Variants in NAV3 observed in about 807,000 individuals in gnomAD.
NAV3 encodes pore membrane and/or filament interacting like protein 1.
Under a neutral mutation model 244.7 loss-of-function variants are expected in NAV3, and 87 were observed. The ratio of observed to expected loss-of-function variants is 0.36; its 90% CI spans 0.30 to 0.42. The LOEUF is 0.42. Among genes scored for constraint, NAV3 ranks in the 20% least tolerant of loss-of-function variants. The probability of loss-of-function intolerance (pLI) is 1.00; values close to 1 mark genes in which losing one functional copy is unlikely to be tolerated. For synonymous variants in NAV3, 1,126 were observed against 1,042.2 expected, an observed-to-expected ratio of 1.08 and a Z score of -1.55; for missense variants, 2,663 against 2,893.3, an observed-to-expected ratio of 0.92 and a Z score of 1.83.
intron 2 of NAV3, among the ~76,000 whole-genome samples, chr12:77,733,443 AAG>A (rs1271116274): frequency 1.3e-5 from 2 of 151,762 alleles, no homozygotes; most frequent in African/African-American, 4.8e-5. Context: ...AAGCCAGAGA[AAG>A]AGAGAGAGAG....
In NAV3 at chr12:78,125,237, G is replaced by A. The variant is rs528861675; in HGVS notation, c.4239-1930G>A. ...TAAATTTTAAGGCAAGTTAATTAGC[G>A]ATATATAATAAAGATGTATATAAGT... On this transcript the variant is annotated intron_variant, in intron 16 of 39. Coordinates refer to ENST00000397909, the MANE Select transcript of NAV3 (RefSeq NM_001024383.2). 6.6e-5 allele frequency among the ~76,000 whole-genome samples: 10 copies of A among 152,174 alleles called. No individual in the cohort carries two copies. In the South Asian group the frequency reaches 1.9e-3, roughly 28 times the overall value.
Position 77,768,913 on chromosome 12 carries a change from A to T in NAV3, c.73-171406A>T, listed in dbSNP as rs1869929877. Among the ~76,000 whole-genome samples, 3 of 152,050 alleles carry T rather than the reference A, an allele frequency of 2.0e-5. No homozygotes were observed. The South Asian group carries it at 6.2e-4, about 31-fold the overall frequency. ...CTGCAGCCATCAATGACTATTTATTACTCTCTTCTTCCTTAAATTAATTTT... is the reference window on the plus strand; with the variant it reads ...CTGCAGCCATCAATGACTATTTATTTCTCTCTTCTTCCTTAAATTAATTTT... On this transcript the variant is annotated intron_variant, in intron 2 of 8. Coordinates refer to the NAV3 transcript ENST00000550042.
At chr12:77,629,467 T>A (rs1401759900) in intron 2 of NAV3, among the ~76,000 whole-genome samples, 1 of 152,226 alleles carries the variant, frequency 6.6e-6, no homozygotes, top group Non-Finnish European at 1.5e-5. Flanking sequence ...CAGTGCCCAT[T>A]ATTTAATCTG....
At chr12:78,136,824 T>C (rs1956392175) in intron 18 of NAV3, among the ~76,000 whole-genome samples, 2 of 152,222 alleles carry the variant, frequency 1.3e-5, no homozygotes, top group Admixed American at 1.3e-4. Context: ...AAGTGATTAC[T>C]ATTTTTAAAG....
At chr12:78,139,077 A>G (rs543902857) in intron 19 of NAV3, among the ~76,000 whole-genome samples, 108 of 148,572 alleles carry the variant, frequency 7.3e-4, no homozygotes, top group Non-Finnish European at 1.4e-3. Context: ...TTACGAGGGT[A>G]TTATTAGAGA....
chr12:77,919,037 C>T (rs1307098665), intron 1 of NAV3, among the ~76,000 whole-genome samples: 2 of 151,856 alleles, frequency 1.3e-5, no homozygotes, highest in East Asian at 1.9e-4. Flanking sequence ...AAGAATGAAG[C>T]AGAGAGCCGA....
intron 3 of NAV3, among the ~76,000 whole-genome samples, chr12:77,964,000 C>T (rs972507782): frequency 6.9e-6 from 1 of 144,660 alleles, no homozygotes; most frequent in Non-Finnish European, 1.5e-5. Context: ...CCTCCCTCCT[C>T]CCTCCTCCTC....
At chr12:77,742,204 G>C (rs1314133934) in intron 2 of NAV3, among the ~76,000 whole-genome samples, 1 of 151,940 alleles carries the variant, frequency 6.6e-6, no homozygotes, top group Admixed American at 6.6e-5. Context: ...AACTTTGGGA[G>C]AGTTTTTCAA....
At chr12:77,994,237 CT>C (rs1236928102) in intron 5 of NAV3, among the ~76,000 whole-genome samples, 7 of 152,220 alleles carry the variant, frequency 4.6e-5, no homozygotes, top group African/African-American at 1.7e-4. Context: ...GACAAAACAT[CT>C]TTTATTGACT....
chr12:78,040,414 T>G (rs1247568612), intron 9 of NAV3, among the ~76,000 whole-genome samples: 1 of 152,004 alleles, frequency 6.6e-6, no homozygotes. Context: ...AACAATGAAT[T>G]CAGTTAGAAG....
intron 20 of NAV3, among the ~76,000 whole-genome samples, chr12:78,142,661 GTATATATATACATATATA>G (rs1956667314): frequency 8.2e-6 from 1 of 121,348 alleles, no homozygotes; most frequent in Non-Finnish European, 1.7e-5. Context: ...AATAGAGTAT[GTATATATATACATATATA>G]TGTGTATATA....
chr12:77,814,610 A>C (rs936685421), intron 2 of NAV3, among the ~76,000 whole-genome samples: 8 of 152,140 alleles, frequency 5.3e-5, no homozygotes, highest in Admixed American at 5.2e-4. Context: ...GACAGTGGAG[A>C]AGCAGCTTGT....
intron 11 of NAV3, 118 bp downstream of exon 11, chr12:78,051,265 T>A: frequency 8.7e-7 from 1 of 1,150,762 alleles, no homozygotes; most frequent in Non-Finnish European, 1.2e-6. Context: ...ATATGAGATA[T>A]CTGAGGTTAT....
At chr12:77,861,283 C>T (rs1481406551) in intron 1 of NAV3, among the ~76,000 whole-genome samples, 4 of 151,738 alleles carry the variant, frequency 2.6e-5, no homozygotes. Flanking sequence ...CTACATGACC[C>T]TCTCTTGCTT....
At chr12:77,948,349 GA>G (rs1182880742) in intron 3 of NAV3, among the ~76,000 whole-genome samples, 6 of 151,862 alleles carry the variant, frequency 4.0e-5, no homozygotes, top group Admixed American at 6.6e-5. Context: ...TTGAATTACA[GA>G]TTTTTTCTTT....
Position 77,755,611 on chromosome 12 carries a change from C to CCTTCCT in NAV3, c.72+183345_72+183346insCTTCCT, listed in dbSNP as rs1565800434. On this transcript the variant is annotated intron_variant, in intron 2 of 8. Transcript: ENST00000550042. ...CCTCCCTCCCTCCCTCCCTCCCTCC[C>CCTTCCT]TCCTTCCTTCCTTCCTTCCTTCCTT... Among the ~76,000 whole-genome samples the CCTTCCT allele has an allele frequency of 1.0e-3, 39 of 38,228 alleles. 6 individuals carry two copies. The highest frequency in any genetic ancestry group is 1.7e-3 in the Non-Finnish European group (35 of 20,216). 25.1% of individuals were successfully genotyped at this position (38,228 alleles called of 152,430 possible).
chr12:77,969,206 A>C (rs757385157), intron 5 of NAV3, among the ~76,000 whole-genome samples: 1 of 151,648 alleles, frequency 6.6e-6, no homozygotes, highest in African/African-American at 2.4e-5. Flanking sequence ...ATGCACATAC[A>C]TGTATTATTT....
chr12:77,995,772 A>AT, intron 6 of NAV3, among the ~76,000 whole-genome samples: 1 of 152,282 alleles, frequency 6.6e-6, no homozygotes, highest in African/African-American at 2.4e-5. Context: ...AAGGTATTTA[A>AT]TTAAAAACTA....
At chr12:77,768,326 G>C (rs961354336) in intron 2 of NAV3, among the ~76,000 whole-genome samples, 4 of 152,176 alleles carry the variant, frequency 2.6e-5, no homozygotes, top group African/African-American at 9.7e-5. Flanking sequence ...CCAGGCACCT[G>C]ACCCTTTCTG....
Sources: allele counts gnomAD v4.1 joint callset (sites outside exome capture counted in the v4.1 genomes callset), GRCh38; gene constraint gnomAD v4.1.1; transcripts MANE v1.5; gene names NCBI Gene and HGNC (gene_info 2026-07-23, HGNC 2026-07-21).